Variants in MKNK1 observed in about 807,000 individuals in gnomAD.
The protein encoded by MKNK1 is MAPK interacting serine/threonine kinase 1.
MKNK1 carries 30 observed loss-of-function variants against 49.3 expected under a neutral mutation model. The ratio of observed to expected loss-of-function variants is 0.61; its 90% CI spans 0.46 to 0.83. MKNK1 has a LOEUF of 0.83. Among genes scored for constraint, MKNK1 ranks in the 40% least tolerant of loss-of-function variants. MKNK1 has a pLI of 0.00. For synonymous variants in MKNK1, 176 were observed against 201.7 expected, an observed-to-expected ratio of 0.87 and a Z score of 1.08; for missense variants, 423 against 524.7, an observed-to-expected ratio of 0.81 and a Z score of 1.89.
At chr1:46,581,576 G>C (rs1671757990) in intron 3 of MKNK1, among the ~76,000 whole-genome samples, 2 of 150,754 alleles carry the variant, frequency 1.3e-5, no homozygotes, top group Non-Finnish European at 2.9e-5. Context: ...GAGGAGAAGT[G>C]GTATGATTTG....
chr1:46,599,627 G>C (rs144970540), intron 1 of MKNK1, among the ~76,000 whole-genome samples: 2 of 152,288 alleles, frequency 1.3e-5, no homozygotes, highest in East Asian at 3.9e-4. Flanking sequence ...CCTCCGTCCT[G>C]CTGCCAGAGA....
At chr1:46,561,300 G>A (rs1667920921) in intron 11 of MKNK1, among the ~76,000 whole-genome samples, 178 bp downstream of exon 11, 1 of 152,194 alleles carries the variant, frequency 6.6e-6, no homozygotes, top group Admixed American at 6.5e-5. Flanking sequence ...CCTATAAGGG[G>A]CTCAGTCTGG....
At chr1:46,577,296 C>A (rs949083964) in intron 4 of MKNK1, among the ~76,000 whole-genome samples, 1 of 152,022 alleles carries the variant, frequency 6.6e-6, no homozygotes, top group East Asian at 1.9e-4. Context: ...CTGGCCAACA[C>A]GGTGAAACCC....
rs1217205121 is a variant in MKNK1 at position 46,564,044 on chromosome 1, C to CAAAAAAAAAAA, written c.609+986_609+996dup. The stretch of plus-strand genomic sequence containing the variant: ...TGGGCAACAGAGCAAGACTCTGTCT[C>CAAAAAAAAAAA]AAAAAAAAAAAAAAAAAAAAAGGGT... On this transcript the variant is annotated intron_variant, in intron 9 of 12. Transcript: ENST00000371945. Among the ~76,000 whole-genome samples, 10 of 39,084 alleles carry CAAAAAAAAAAA rather than the reference C, an allele frequency of 2.6e-4. 1 individual carries two copies. The highest frequency in any genetic ancestry group is 0.02 in the Middle Eastern group (1 of 50). 25.6% of individuals were successfully genotyped at this position (39,084 alleles called of 152,430 possible).
chr1:46,574,943 G>GT lies in MKNK1; in HGVS notation c.352+3dup. 6.2e-7 allele frequency: 1 copy of GT among 1,603,196 alleles called. No individual in the cohort carries two copies. Among genetic ancestry groups the GT allele is most frequent in the Non-Finnish European group, 8.5e-7 (1 of 1,170,440 alleles). ...AGTCCACACACATACTCAACGGTAAGTACCTCCTTGCAATTTCTCAAAGAC... is the reference window on the plus strand; with the variant it reads ...AGTCCACACACATACTCAACGGTAAGTTACCTCCTTGCAATTTCTCAAAGAC... On this transcript the variant is annotated splice_donor_region_variant and intron_variant, in intron 6 of 12. Coordinates refer to ENST00000371945, the MANE Select transcript of MKNK1 (RefSeq NM_001135553.4).
At chr1:46,602,214 C>T (rs960128127) in intron 1 of MKNK1, among the ~76,000 whole-genome samples, 3 of 152,216 alleles carry the variant, frequency 2.0e-5, no homozygotes, top group Admixed American at 1.3e-4. Context: ...AAGTTTGAAT[C>T]CAGCCTGGCC....
rs375658004 is a variant in MKNK1, at chr1:46,568,426, A to G, written c.513+17T>C. ...GGTAAGTATAAACTATAACATTCCA[A>G]ATCAGGCCCAAAGTACCTTTTCTGG... On this transcript the variant is annotated intron_variant, in intron 8 of 12. Transcript: ENST00000371945. The G allele has an allele frequency of 5.6e-6, 9 of 1,613,142 alleles. No homozygotes were observed. Among genetic ancestry groups the G allele is most frequent in the Non-Finnish European group, 7.6e-6 (9 of 1,179,168 alleles).
chr1:46,568,331 C>T, intron 8 of MKNK1, 112 bp downstream of exon 8: 1 of 911,036 alleles, frequency 1.1e-6, no homozygotes, highest in Non-Finnish European at 1.8e-6. Flanking sequence ...CCAAGACGAT[C>T]AGTTCAAGTT....
intron 7 of MKNK1, chr1:46,571,665 CTA>C (rs763902579): frequency 1.8e-4 from 62 of 339,250 alleles, no homozygotes; most frequent in South Asian, 1.0e-3. Context: ...TATTTTAAGA[CTA>C]GAAGGAATAA....
chr1:46,565,267 T>C (rs1668865033), intron 8 of MKNK1, 131 bp from the exon 9 acceptor site: 2 of 767,436 alleles, frequency 2.6e-6, no homozygotes, highest in South Asian at 3.1e-5. Context: ...TCATGTTTGC[T>C]CTCCGGAGGT....
chr1:46,577,288 G>A (rs559523479), intron 4 of MKNK1, among the ~76,000 whole-genome samples: 3 of 152,254 alleles, frequency 2.0e-5, no homozygotes, highest in East Asian at 1.9e-4. Context: ...AGACCAGCCT[G>A]GCCAACACGG....
rs182921727 is a variant in MKNK1, at chr1:46,562,134, G to A, written c.805-492C>T. 5.3e-4 allele frequency among the ~76,000 whole-genome samples: 81 copies of A among 152,200 alleles called. 1 individual carries two copies. The East Asian group carries it at 0.01, about 20-fold the overall frequency. ...TTCAGGGCTGGGCGCGGTGGCTCACGCCTGTAATCCCAGCACTTTGGGAGG... is the reference window on the plus strand; with the variant it reads ...TTCAGGGCTGGGCGCGGTGGCTCACACCTGTAATCCCAGCACTTTGGGAGG... On this transcript the variant is annotated intron_variant, in intron 10 of 12. Transcript: ENST00000371945.
intron 2 of MKNK1, 116 bp downstream of exon 2, chr1:46,593,997 T>A: frequency 1.4e-6 from 1 of 734,068 alleles, no homozygotes; most frequent in Non-Finnish European, 2.4e-6. Context: ...TATTCCTAGC[T>A]AACTAACTAA....
chr1:46,582,360 C>T (rs992164436), intron 3 of MKNK1, among the ~76,000 whole-genome samples: 2 of 152,230 alleles, frequency 1.3e-5, no homozygotes, highest in Non-Finnish European at 2.9e-5. Flanking sequence ...ACATGCTTCT[C>T]ACAATGGACA....
At chr1:46,599,065 T>C (rs543824953) in intron 1 of MKNK1, among the ~76,000 whole-genome samples, 15 of 152,188 alleles carry the variant, frequency 9.9e-5, no homozygotes, top group African/African-American at 1.4e-4. Flanking sequence ...CAATAACTAG[T>C]AACTGTTATT....
At chr1:46,599,921 A>T (rs1425721499) in intron 1 of MKNK1, among the ~76,000 whole-genome samples, 1 of 151,522 alleles carries the variant, frequency 6.6e-6, no homozygotes, top group Admixed American at 6.6e-5. Flanking sequence ...TCCCTACTCC[A>T]CTCTCTACAT....
intron 9 of MKNK1, among the ~76,000 whole-genome samples, chr1:46,564,554 G>A (rs1489415803): frequency 2.4e-5 from 3 of 125,482 alleles, no homozygotes; most frequent in Admixed American, 1.0e-4. Flanking sequence ...TCGGCTCACC[G>A]CAACCTCCAC....
chr1:46,571,056 T>A (rs1050125748), intron 7 of MKNK1, among the ~76,000 whole-genome samples: 2 of 151,908 alleles, frequency 1.3e-5, no homozygotes, highest in Non-Finnish European at 2.9e-5. Context: ...TAGGCAAATT[T>A]AAAAAAAAGT....
chr1:46,560,157 G>T, intron 12 of MKNK1, 77 bp downstream of exon 12: 1 of 1,534,150 alleles, frequency 6.5e-7, no homozygotes, highest in East Asian at 2.3e-5. Flanking sequence ...CCTAGAGATG[G>T]GCTCCCCCGG....
Sources: gnomAD v4.1 joint callset for allele counts (sites outside exome capture counted in the v4.1 genomes callset) on GRCh38, gnomAD v4.1.1 for gene constraint, MANE v1.5 for transcripts, NCBI Gene and HGNC (gene_info 2026-07-23, HGNC 2026-07-21) for gene names.